The following KLHL1 variants were observed in gnomAD, a reference collection of about 807,000 sequenced individuals.
KLHL1 encodes the protein kelch like family member 1.
A neutral mutation model predicts 77.7 loss-of-function variants in KLHL1; 47 were observed. That is an observed-to-expected ratio of 0.60 (90% CI 0.48 to 0.77). KLHL1 has a LOEUF of 0.77. KLHL1 is among the 30% of genes least tolerant of loss of function. KLHL1 has a pLI of 0.00. For synonymous variants in KLHL1, 360 were observed against 325.2 expected (o/e 1.11, Z -1.15); for missense variants, 925 against 910.8 (o/e 1.02, Z -0.20).
intron 1 of KLHL1, among the ~76,000 whole-genome samples, chr13:70,098,019 C>T (rs995722395): frequency 6.6e-6 from 1 of 151,570 alleles, no homozygotes; most frequent in African/African-American, 2.4e-5. Flanking sequence ...GCTAACTAAA[C>T]TTGAAAATAT....
chr13:70,101,154 C>T (rs1887912202), intron 1 of KLHL1, among the ~76,000 whole-genome samples: 1 of 152,060 alleles, frequency 6.6e-6, no homozygotes, highest in Non-Finnish European at 1.5e-5. Flanking sequence ...ATTTTGATTA[C>T]ATATGTAGGC....
chr13:69,824,532 T>C (rs1283636285), intron 6 of KLHL1, among the ~76,000 whole-genome samples: 1 of 152,058 alleles, frequency 6.6e-6, no homozygotes, highest in African/African-American at 2.4e-5. Context: ...CAGGTTTTCA[T>C]CAATAGGAGA....
In KLHL1 at chr13:69,963,594, C is replaced by T. The variant is rs117864257; in HGVS notation, c.681-2150G>A. 1.5e-3 allele frequency among the ~76,000 whole-genome samples: 226 copies of T among 152,222 alleles called. 1 individual carries two copies. Among genetic ancestry groups the T allele is most frequent in the Non-Finnish European group, 2.3e-3 (155 of 68,008 alleles). ...ATGGTCTACACAAAAACAAGCTGCA[C>T]AGCAGATGTGGCCCCTGCACAGATA... On this transcript the variant is annotated intron_variant, in intron 2 of 10. Coordinates refer to ENST00000377844, the MANE Select transcript of KLHL1 (RefSeq NM_020866.3).
chr13:69,933,429 G>T (rs773249382), intron 4 of KLHL1, among the ~76,000 whole-genome samples: 1 of 152,068 alleles, frequency 6.6e-6, no homozygotes, highest in East Asian at 1.9e-4. Flanking sequence ...TATTAGCAGG[G>T]TTATTGGTCA....
At chr13:69,773,574 ATAAT>A (rs1186360953) in intron 7 of KLHL1, among the ~76,000 whole-genome samples, 1 of 151,994 alleles carries the variant, frequency 6.6e-6, no homozygotes, top group East Asian at 1.9e-4. Context: ...TTTATTTATG[ATAAT>A]TAAATTTGAA....
intron 1 of KLHL1, among the ~76,000 whole-genome samples, chr13:69,980,100 C>T (rs549856946): frequency 6.6e-6 from 1 of 152,174 alleles, no homozygotes; most frequent in African/African-American, 2.4e-5. Flanking sequence ...TTACTGTTCT[C>T]GTGCTAAACA....
intron 7 of KLHL1, among the ~76,000 whole-genome samples, chr13:69,773,262 A>AT (rs1285079487): frequency 2.6e-5 from 4 of 152,078 alleles, no homozygotes; most frequent in South Asian, 2.1e-4. Context: ...TCCTCTGGAA[A>AT]TTTTTTATGT....
chr13:69,847,369 A>G (rs1879505498), intron 5 of KLHL1, among the ~76,000 whole-genome samples: 1 of 150,038 alleles, frequency 6.7e-6, no homozygotes. Context: ...CCTACATCAT[A>G]AGCTATTCCT....
intron 4 of KLHL1, among the ~76,000 whole-genome samples, chr13:69,924,163 T>C (rs1882736638): frequency 6.6e-6 from 1 of 152,284 alleles, no homozygotes; most frequent in East Asian, 1.9e-4. Context: ...TTGCAGGTGC[T>C]CCTCAGCACA....
At chr13:69,952,313 A>G (rs768514114) in intron 3 of KLHL1, among the ~76,000 whole-genome samples, 1 of 151,442 alleles carries the variant, frequency 6.6e-6, no homozygotes, top group East Asian at 1.9e-4. Flanking sequence ...GCATGGATCT[A>G]TCAGGAATAA....
chr13:69,909,933 A>G (rs1383292432), intron 4 of KLHL1, among the ~76,000 whole-genome samples: 1 of 152,076 alleles, frequency 6.6e-6, no homozygotes, highest in Non-Finnish European at 1.5e-5. Flanking sequence ...TTCCTCTCAC[A>G]GCGTCAAGGA....
chr13:69,880,600 G>A (rs984299244), intron 5 of KLHL1, among the ~76,000 whole-genome samples: 2 of 152,076 alleles, frequency 1.3e-5, no homozygotes, highest in African/African-American at 4.8e-5. Flanking sequence ...CACATATAAT[G>A]TATAGCCTTA....
intron 5 of KLHL1, among the ~76,000 whole-genome samples, chr13:69,866,930 C>G (rs953794810): frequency 4.2e-5 from 6 of 142,020 alleles, no homozygotes; most frequent in Admixed American, 2.8e-4. Context: ...GAAACATTTT[C>G]TGACCTAAAT....
chr13:69,797,336 C>T (rs1377867954), intron 6 of KLHL1, among the ~76,000 whole-genome samples: 1 of 152,004 alleles, frequency 6.6e-6, no homozygotes, highest in Non-Finnish European at 1.5e-5. Context: ...TTATGAAAGC[C>T]CTTTTAAATA....
chr13:69,785,886 C>T (rs1266291796), intron 7 of KLHL1, among the ~76,000 whole-genome samples: 1 of 152,192 alleles, frequency 6.6e-6, no homozygotes, highest in Non-Finnish European at 1.5e-5. Context: ...CACATCTACG[C>T]AAATGAACTA....
intron 8 of KLHL1, among the ~76,000 whole-genome samples, chr13:69,733,740 A>T (rs1873651092): frequency 6.6e-6 from 1 of 152,200 alleles, no homozygotes; most frequent in African/African-American, 2.4e-5. Context: ...AAAATCTGTT[A>T]GTGTGTGGAC....
chr13:69,760,136 G>C (rs1874950328), intron 7 of KLHL1, among the ~76,000 whole-genome samples: 1 of 151,980 alleles, frequency 6.6e-6, no homozygotes, highest in Admixed American at 6.6e-5. Flanking sequence ...CTTAGTTTCT[G>C]ATCCTTAGCT....
At chr13:70,077,217 T>C (rs944859998) in intron 1 of KLHL1, among the ~76,000 whole-genome samples, 3 of 152,000 alleles carry the variant, frequency 2.0e-5, no homozygotes, top group Admixed American at 6.6e-5. Flanking sequence ...CAAGATGTTC[T>C]TCAAAGGTGA....
chr13:69,814,355 C>G (rs1398598496), intron 6 of KLHL1, among the ~76,000 whole-genome samples: 1 of 152,074 alleles, frequency 6.6e-6, no homozygotes, highest in Non-Finnish European at 1.5e-5. Flanking sequence ...TAATGTATTA[C>G]TATGTCCTGA....
Sources: gnomAD v4.1 joint callset for allele counts (sites outside exome capture counted in the v4.1 genomes callset) on GRCh38, gnomAD v4.1.1 for gene constraint, MANE v1.5 for transcripts, NCBI Gene and HGNC (gene_info 2026-07-23, HGNC 2026-07-21) for gene names.